Variants in ZCCHC24 observed in about 807,000 individuals in gnomAD.
ZCCHC24 encodes the protein zinc finger CCHC-type containing 24, also known as zinc finger CCHC domain-containing protein 24.
A neutral mutation model predicts 26.2 loss-of-function variants in ZCCHC24; 10 were observed. That is an observed-to-expected ratio of 0.38 (90% confidence interval 0.24 to 0.65). ZCCHC24 has a LOEUF of 0.65. ZCCHC24 is among the 30% of genes least tolerant of loss of function. ZCCHC24 has a pLI of 0.54. For synonymous variants in ZCCHC24, 144 were observed against 147.1 expected, an observed-to-expected ratio of 0.98 and a Z score of 0.15; for missense variants, 243 against 329.1, an observed-to-expected ratio of 0.74 and a Z score of 2.03.
At chr10:79,431,178 C>T (rs895598718) in intron 2 of ZCCHC24, among the ~76,000 whole-genome samples, 1 of 152,194 alleles carries the variant, frequency 6.6e-6, no homozygotes. Context: ...GGCCCCTGTG[C>T]TGGGGCTCAG....
chr10:79,405,242 A>C (rs1423554986), intron 2 of ZCCHC24, among the ~76,000 whole-genome samples: 1 of 152,212 alleles, frequency 6.6e-6, no homozygotes. Flanking sequence ...CCGAAATTTA[A>C]ACGAAATTCC....
chr10:79,400,806 A>G (rs1226248814), intron 2 of ZCCHC24, among the ~76,000 whole-genome samples: 1 of 152,190 alleles, frequency 6.6e-6, no homozygotes, highest in Non-Finnish European at 1.5e-5. Flanking sequence ...TCATGTCCAT[A>G]GAGCTAGCCC....
chr10:79,422,893 G>T (rs1462280307), intron 2 of ZCCHC24, among the ~76,000 whole-genome samples: 1 of 152,240 alleles, frequency 6.6e-6, no homozygotes, highest in Non-Finnish European at 1.5e-5. Context: ...TCTGCTCCCA[G>T]GTCAGTGCCT....
chr10:79,432,864 G>A (rs111864978), intron 1 of ZCCHC24, 106 bp from the exon 2 acceptor site: 62 of 1,260,032 alleles, frequency 4.9e-5, no homozygotes, highest in African/African-American at 3.1e-4. Context: ...TCAGCTACCC[G>A]AGGGCTCTGG....
At chr10:79,428,413 TTTCAGTTTTGCAAGATA>T (rs1857067230) in intron 2 of ZCCHC24, among the ~76,000 whole-genome samples, 2 of 42,142 alleles carry the variant, frequency 4.7e-5, no homozygotes, top group East Asian at 6.7e-4. Flanking sequence ...GCAAGATAAA[TTTCAGTTTTGCAAGATA>T]AATTTCAGTT....
intron 3 of ZCCHC24, among the ~76,000 whole-genome samples, chr10:79,388,492 T>C (rs1339563645): frequency 2.6e-5 from 4 of 152,174 alleles, no homozygotes; most frequent in Non-Finnish European, 5.9e-5. Flanking sequence ...AGTTAGAATC[T>C]GGGTCCCTGT....
At chr10:79,410,267 C>T (rs927547933) in intron 2 of ZCCHC24, among the ~76,000 whole-genome samples, 2 of 152,236 alleles carry the variant, frequency 1.3e-5, no homozygotes, top group African/African-American at 4.8e-5. Context: ...GTGTCAATTT[C>T]TTTACTATTT....
chr10:79,445,078 G>A, intron 1 of ZCCHC24, 117 bp downstream of exon 1: 1 of 1,059,932 alleles, frequency 9.4e-7, no homozygotes, highest in Non-Finnish European at 1.2e-6. Flanking sequence ...AGCCGGGCCC[G>A]GCAATGCGGA....
chr10:79,417,832 G>A (rs1473603788), intron 2 of ZCCHC24, among the ~76,000 whole-genome samples: 1 of 152,188 alleles, frequency 6.6e-6, no homozygotes, highest in African/African-American at 2.4e-5. Flanking sequence ...TCTGAGCCCT[G>A]AGCCTTGGAA....
At chr10:79,444,085 A>T (rs1480758710) in intron 1 of ZCCHC24, 1 of 1,537,904 alleles carries the variant, frequency 6.5e-7, no homozygotes, top group Non-Finnish European at 8.8e-7. Context: ...CAGGACTCTG[A>T]CTCTCCTAAA....
chr10:79,431,903 A>T (rs957031168), intron 2 of ZCCHC24, among the ~76,000 whole-genome samples: 2 of 152,196 alleles, frequency 1.3e-5, no homozygotes, highest in African/African-American at 4.8e-5. Context: ...TGGGTCAGGG[A>T]CCATCCTGTA....
At chr10:79,419,909 C>T (rs1366168897) in intron 2 of ZCCHC24, among the ~76,000 whole-genome samples, 1 of 152,052 alleles carries the variant, frequency 6.6e-6, no homozygotes, top group Non-Finnish European at 1.5e-5. Flanking sequence ...TTCCTGGGGA[C>T]TCCTAATTAT....
At position 79,418,494 on chromosome 10, in the gene ZCCHC24, T is replaced by C. The variant is rs1219657030; in HGVS notation, c.447+14064A>G. Reference sequence around the variant, plus strand: ...ACTTGTGCCAGGACCGGCCCTGGGCTAGGCACGACTCACCAAGGCAGGAGC... The same window carrying C: ...ACTTGTGCCAGGACCGGCCCTGGGCCAGGCACGACTCACCAAGGCAGGAGC... On this transcript the variant is annotated intron_variant, in intron 2 of 3. Coordinates refer to ENST00000372336, the MANE Select transcript of ZCCHC24 (RefSeq NM_153367.4). Among the ~76,000 whole-genome samples, 3 of 152,140 alleles carry C rather than the reference T, an allele frequency of 2.0e-5. No homozygotes were observed. In the East Asian group the frequency reaches 5.8e-4, roughly 29 times the overall value.
chr10:79,419,648 C>G (rs1402193967), intron 2 of ZCCHC24, among the ~76,000 whole-genome samples: 1 of 152,182 alleles, frequency 6.6e-6, no homozygotes, highest in African/African-American at 2.4e-5. Flanking sequence ...GTGAGCCTTT[C>G]TGGCATTCAG....
intron 2 of ZCCHC24, among the ~76,000 whole-genome samples, chr10:79,431,825 TAATCTCATGCTGTACTTA>T (rs1564640341): frequency 6.6e-6 from 1 of 152,144 alleles, no homozygotes; most frequent in African/African-American, 2.4e-5. Flanking sequence ...AAATCACTGA[TAATCTCATGCTGTACTTA>T]AAATGACTAC....
chr10:79,433,641 A>G (rs1039365199), intron 1 of ZCCHC24, among the ~76,000 whole-genome samples: 1 of 152,200 alleles, frequency 6.6e-6, no homozygotes, highest in African/African-American at 2.4e-5. Context: ...AGGGTCAACA[A>G]CAAATCTGGG....
rs1856371768 is a variant in ZCCHC24 at position 79,385,172 on chromosome 10, G to A, written c.*1173C>T. The A allele has an allele frequency of 6.6e-6, 1 of 152,298 alleles. No individual in the cohort carries two copies. The highest frequency in any genetic ancestry group is 2.4e-5 in the African/African-American group (1 of 41,420). 9.4% of individuals were successfully genotyped at this position (152,298 alleles called of 1,614,324 possible). On this transcript the variant is annotated 3_prime_UTR_variant, in exon 4 of 4. Coordinates refer to ENST00000372336, the MANE Select transcript of ZCCHC24 (RefSeq NM_153367.4). This position sits in a 1 kb window ranked among gnomAD's most constrained non-coding sequence, Gnocchi z 4.3. ...TGAAAAGCAGGGCTGGGGCTGCAGG[G>A]GCCAGCAGGGGAGGACTCAGCATCC...
At chr10:79,430,686 C>CACCACACACACACACACACACACACA (rs370025190) in intron 2 of ZCCHC24, among the ~76,000 whole-genome samples, 2 of 140,620 alleles carry the variant, frequency 1.4e-5, no homozygotes, top group African/African-American at 2.7e-5. Flanking sequence ...CACACACACA[C>CACCACACACACACACACACACACACA]CACACACACA....
At chr10:79,394,542 C>G in intron 2 of ZCCHC24, 102 bp from the exon 3 acceptor site, 3 of 1,519,170 alleles carry the variant, frequency 2.0e-6, no homozygotes, top group Non-Finnish European at 2.6e-6. Context: ...GTCCTGTGTC[C>G]ATGTGTGCAG....
Sources: gnomAD v4.1 joint callset for allele counts (sites outside exome capture counted in the v4.1 genomes callset) on GRCh38, gnomAD v4.1.1 for gene constraint, Gnocchi (gnomAD v3.1) non-coding constraint, MANE v1.5 for transcripts, NCBI Gene and HGNC (gene_info 2026-07-23, HGNC 2026-07-21) for gene names.